Variants in CTNNA3 observed in about 807,000 individuals in gnomAD.
CTNNA3 encodes the protein catenin alpha-3.
In CTNNA3, 76 loss-of-function variants were observed where a neutral mutation model predicts 95.7. The ratio of observed to expected loss-of-function variants is 0.79; its 90% CI spans 0.66 to 0.96. The LOEUF is 0.96. Ranked by LOEUF, CTNNA3 falls within the 40% of genes least tolerant of loss-of-function variation. The pLI, the probability that CTNNA3 is intolerant of heterozygous loss-of-function variation, is 0.00. For missense variants in CTNNA3, 1,191 were observed against 1,089.8 expected, an observed-to-expected ratio of 1.09 and a Z score of -1.31; for synonymous variants, 431 against 374.4, an observed-to-expected ratio of 1.15 and a Z score of -1.74.
chr10:67,219,571 G>A (rs1864552028), intron 6 of CTNNA3, 36 bp downstream of exon 6: 1 of 1,584,076 alleles, frequency 6.3e-7, no homozygotes, highest in Non-Finnish European at 8.6e-7. Flanking sequence ...ACTGTATTAG[G>A]ACATCAGATC....
intron 13 of CTNNA3, among the ~76,000 whole-genome samples, chr10:66,113,008 A>C (rs1351734812): frequency 6.6e-6 from 1 of 152,192 alleles, no homozygotes; most frequent in Non-Finnish European, 1.5e-5. Flanking sequence ...TTGCTGGATC[A>C]TATAGTAGTT....
chr10:67,726,465 G>T (rs1212480577), intron 1 of CTNNA3, among the ~76,000 whole-genome samples: 730 of 13,480 alleles, frequency 0.054, 10 homozygotes, highest in African/African-American at 0.07. Flanking sequence ...TATGATATAT[G>T]ATATAATATT....
intron 11 of CTNNA3, among the ~76,000 whole-genome samples, chr10:66,504,969 G>T (rs1840401676): frequency 6.6e-6 from 1 of 152,116 alleles, no homozygotes; most frequent in Admixed American, 6.6e-5. Flanking sequence ...TGTTATGCAA[G>T]TCTAAAATGC....
At chr10:67,423,486 C>A (rs1222584810) in intron 5 of CTNNA3, among the ~76,000 whole-genome samples, 2 of 152,088 alleles carry the variant, frequency 1.3e-5, no homozygotes, top group Non-Finnish European at 2.9e-5. Context: ...GAGAACAGAG[C>A]CAACTCAGAG....
intron 13 of CTNNA3, among the ~76,000 whole-genome samples, chr10:66,125,042 A>T (rs567287194): frequency 2.0e-5 from 3 of 152,316 alleles, no homozygotes; most frequent in Admixed American, 2.0e-4. Flanking sequence ...AAGAAGAAAT[A>T]AAAACTTTCT....
intron 9 of CTNNA3, among the ~76,000 whole-genome samples, chr10:66,715,090 T>C (rs1487860797): frequency 6.6e-6 from 1 of 152,144 alleles, no homozygotes; most frequent in Non-Finnish European, 1.5e-5. Flanking sequence ...TCCATTCATC[T>C]TTCCAGATCA....
chr10:66,903,241 A>G (rs559658825), intron 7 of CTNNA3, among the ~76,000 whole-genome samples: 2 of 152,304 alleles, frequency 1.3e-5, no homozygotes, highest in South Asian at 2.1e-4. Context: ...ATCAGTAAAC[A>G]TAATCCATCA....
chr10:66,070,752 A>G (rs535087042), intron 14 of CTNNA3, among the ~76,000 whole-genome samples: 2 of 152,240 alleles, frequency 1.3e-5, no homozygotes, highest in East Asian at 3.9e-4. Flanking sequence ...CAGTAATTGC[A>G]ACTGCTATCC....
At chr10:67,387,493 A>G (rs1018622959) in intron 5 of CTNNA3, among the ~76,000 whole-genome samples, 20 of 152,298 alleles carry the variant, frequency 1.3e-4, no homozygotes, top group Admixed American at 2.6e-4. Flanking sequence ...AGGGGCGCCC[A>G]CCATAGCCCA....
intron 9 of CTNNA3, among the ~76,000 whole-genome samples, chr10:66,689,143 C>A (rs1847419081): frequency 1.3e-5 from 2 of 151,788 alleles, no homozygotes; most frequent in Admixed American, 1.3e-4. Context: ...CATTAATCAT[C>A]CAAAATTAGG....
At chr10:66,000,918 T>C (rs2078757767) in intron 15 of CTNNA3, among the ~76,000 whole-genome samples, 1 of 152,118 alleles carries the variant, frequency 6.6e-6, no homozygotes, top group Admixed American at 6.5e-5. Flanking sequence ...TTAACAACTA[T>C]GCTATGTTGC....
chr10:66,035,049 G>A (rs2079533470), intron 15 of CTNNA3, among the ~76,000 whole-genome samples: 1 of 152,020 alleles, frequency 6.6e-6, no homozygotes, highest in South Asian at 2.1e-4. Flanking sequence ...TCATTTTTAT[G>A]TTTGAATCTC....
At chr10:66,536,245 G>A (rs1055183847) in intron 10 of CTNNA3, among the ~76,000 whole-genome samples, 4 of 151,890 alleles carry the variant, frequency 2.6e-5, no homozygotes, top group Non-Finnish European at 5.9e-5. Flanking sequence ...ACTTTGGGAG[G>A]TCAAGGTGGG....
intron 13 of CTNNA3, among the ~76,000 whole-genome samples, chr10:66,264,506 G>T (rs769461124): frequency 1.6e-4 from 24 of 151,732 alleles, no homozygotes; most frequent in Non-Finnish European, 2.8e-4. Flanking sequence ...TAATATTTTG[G>T]ATATATTTGG....
At chr10:66,157,491 G>GTAGATAGATAGA (rs34507083) in intron 13 of CTNNA3, among the ~76,000 whole-genome samples, 5 of 147,372 alleles carry the variant, frequency 3.4e-5, no homozygotes, top group Non-Finnish European at 6.0e-5. Context: ...AGATAGATAT[G>GTAGATAGATAGA]TAGATAGATA....
intron 15 of CTNNA3, among the ~76,000 whole-genome samples, chr10:66,055,921 CAAAAAAAAA>C (rs386371652): frequency 3.3e-5 from 2 of 60,214 alleles, no homozygotes; most frequent in African/African-American, 1.3e-4. Flanking sequence ...GACTCCATCT[CAAAAAAAAA>C]AAAAAAAAAA....
chr10:67,385,324 G>T (rs890928031), intron 5 of CTNNA3, among the ~76,000 whole-genome samples: 1 of 152,186 alleles, frequency 6.6e-6, no homozygotes, highest in African/African-American at 2.4e-5. Flanking sequence ...ATTCACTTAT[G>T]CAAGAATGGG....
chr10:67,011,356 A>G (rs1049959842), intron 7 of CTNNA3, among the ~76,000 whole-genome samples: 1 of 151,410 alleles, frequency 6.6e-6, no homozygotes, highest in African/African-American at 2.4e-5. Flanking sequence ...AAAAAAAAAA[A>G]GCTAGCCTGT....
At chr10:66,580,869 T>C (rs1486527636) in intron 10 of CTNNA3, among the ~76,000 whole-genome samples, 1 of 151,738 alleles carries the variant, frequency 6.6e-6, no homozygotes, top group Non-Finnish European at 1.5e-5. Context: ...ATAGTGCATA[T>C]TGTACTCAAT....
Sources: allele counts gnomAD v4.1 joint callset (sites outside exome capture counted in the v4.1 genomes callset), GRCh38; gene constraint gnomAD v4.1.1; transcripts MANE v1.5; gene names NCBI Gene and HGNC (gene_info 2026-07-23, HGNC 2026-07-21).